Variants in SOX5 observed in about 807,000 individuals in gnomAD.
SOX5 encodes the protein SRY-box transcription factor 5, also known as transcription factor SOX-5.
A neutral mutation model predicts 92.0 loss-of-function variants in SOX5; 9 were observed. The ratio of observed to expected loss-of-function variants is 0.10; its 90% CI spans 0.06 to 0.17. SOX5 has a LOEUF of 0.17. Among genes scored for constraint, SOX5 ranks in the 10% least tolerant of loss-of-function variants. The pLI, the probability that SOX5 is intolerant of heterozygous loss-of-function variation, is 1.00. For synonymous variants in SOX5, 344 were observed against 336.3 expected (o/e 1.02, Z -0.25); for missense variants, 642 against 944.5 (o/e 0.68, Z 4.20).
chr12:23,813,869 A>G (rs1368333199), intron 3 of SOX5, among the ~76,000 whole-genome samples: 2 of 152,168 alleles, frequency 1.3e-5, no homozygotes, highest in African/African-American at 4.8e-5. Flanking sequence ...ATACATTTTT[A>G]AGAGTAAAAT....
chr12:24,435,343 C>T (rs1244635599), intron 1 of SOX5, among the ~76,000 whole-genome samples: 4 of 152,226 alleles, frequency 2.6e-5, no homozygotes, highest in Non-Finnish European at 4.4e-5. Flanking sequence ...CTCTACACTT[C>T]TGCACTTCCT....
At chr12:24,504,046 A>G (rs1416031714) in intron 1 of SOX5, among the ~76,000 whole-genome samples, 1 of 152,272 alleles carries the variant, frequency 6.6e-6, no homozygotes, top group Non-Finnish European at 1.5e-5. Flanking sequence ...TAAGAAGGGT[A>G]CATAGAGAAA....
intron 11 of SOX5, among the ~76,000 whole-genome samples, chr12:23,558,782 T>C: frequency 6.6e-6 from 1 of 152,292 alleles, no homozygotes; most frequent in East Asian, 1.9e-4. Context: ...TTGTATTTTT[T>C]AGTAGAGACG....
intron 4 of SOX5, among the ~76,000 whole-genome samples, chr12:24,171,178 TAGTTTTTTC>T (rs1954065544): frequency 6.8e-6 from 1 of 147,546 alleles, no homozygotes; most frequent in African/African-American, 2.5e-5. Context: ...ATAGTGATTT[TAGTTTTTTC>T]TTTTATTTCA....
At chr12:24,554,994 GA>G (rs1349964358) in intron 1 of SOX5, among the ~76,000 whole-genome samples, 1 of 152,180 alleles carries the variant, frequency 6.6e-6, no homozygotes, top group Non-Finnish European at 1.5e-5. Context: ...TCTATTAAGG[GA>G]CAACTCCCTG....
At chr12:24,426,251 AG>A (rs1966749573) in intron 1 of SOX5, among the ~76,000 whole-genome samples, 1 of 135,018 alleles carries the variant, frequency 7.4e-6, no homozygotes, top group African/African-American at 2.8e-5. Context: ...TCTCACTCAT[AG>A]GTGGGAATTG....
At chr12:24,524,796 C>T (rs1407795175) in intron 1 of SOX5, among the ~76,000 whole-genome samples, 6 of 152,078 alleles carry the variant, frequency 3.9e-5, no homozygotes, top group South Asian at 2.1e-4. Context: ...GCAGAAGGAT[C>T]GCTGGAGGCC....
intron 4 of SOX5, among the ~76,000 whole-genome samples, chr12:23,751,800 C>T (rs1007196396): frequency 6.6e-6 from 1 of 151,860 alleles, no homozygotes; most frequent in African/African-American, 2.4e-5. Flanking sequence ...GCAAAAGAAC[C>T]AGTTGTTGAA....
chr12:24,535,543 T>C lies in SOX5; in HGVS notation c.-251+26786A>G, dbSNP rs544425932. 2.5e-3 allele frequency among the ~76,000 whole-genome samples: 384 copies of C among 152,208 alleles called. 2 individuals are homozygous for C. The highest frequency in any genetic ancestry group is 7.6e-3 in the African/African-American group (315 of 41,550). ...AGATTAACTTTGCTTGCTTTTCCAATTGCAGTAGCCCAGCCAAGGATTTTG... is the reference window on the plus strand; with the variant it reads ...AGATTAACTTTGCTTGCTTTTCCAACTGCAGTAGCCCAGCCAAGGATTTTG... On this transcript the variant is annotated intron_variant, in intron 1 of 4. Transcript: ENST00000446891.
At chr12:24,259,440 CTG>C (rs1357230531) in intron 3 of SOX5, among the ~76,000 whole-genome samples, 13 of 152,172 alleles carry the variant, frequency 8.5e-5, no homozygotes, top group African/African-American at 3.1e-4. Context: ...CATACGTAGA[CTG>C]TGCTATGTAT....
intron 1 of SOX5, among the ~76,000 whole-genome samples, chr12:23,903,928 G>A (rs1010905201): frequency 1.2e-4 from 18 of 152,086 alleles, no homozygotes; most frequent in Non-Finnish European, 2.5e-4. Flanking sequence ...TAATTCAAAT[G>A]AATGAAACAA....
At chr12:24,077,593 C>A (rs1942783663) in intron 4 of SOX5, among the ~76,000 whole-genome samples, 1 of 151,600 alleles carries the variant, frequency 6.6e-6, no homozygotes, top group Non-Finnish European at 1.5e-5. Context: ...TTTCAGTCTT[C>A]ATCATACACA....
intron 1 of SOX5, among the ~76,000 whole-genome samples, chr12:24,447,451 A>G (rs1432686808): frequency 6.6e-6 from 1 of 152,226 alleles, no homozygotes; most frequent in Admixed American, 6.5e-5. Context: ...GTCACAATCC[A>G]GAGGAAGCTA....
At chr12:23,689,968 A>G (rs568670578) in intron 6 of SOX5, among the ~76,000 whole-genome samples, 19 of 152,316 alleles carry the variant, frequency 1.2e-4, no homozygotes, top group African/African-American at 3.8e-4. Context: ...TTTATTTCAC[A>G]ATGACTTTAC....
At chr12:24,442,479 A>G (rs922296877) in intron 1 of SOX5, among the ~76,000 whole-genome samples, 5 of 152,346 alleles carry the variant, frequency 3.3e-5, no homozygotes, top group African/African-American at 1.2e-4. Context: ...AGAAAAATAA[A>G]GCAAAGAAGA....
chr12:24,442,582 G>A (rs895812245), intron 1 of SOX5, among the ~76,000 whole-genome samples: 7 of 152,180 alleles, frequency 4.6e-5, no homozygotes, highest in Admixed American at 6.5e-5. Flanking sequence ...AAGAGGAGAC[G>A]TTAATGAGAA....
intron 4 of SOX5, among the ~76,000 whole-genome samples, chr12:24,112,002 C>T (rs1947404889): frequency 6.6e-6 from 1 of 152,052 alleles, no homozygotes; most frequent in South Asian, 2.1e-4. Flanking sequence ...TTTCTATGAA[C>T]AAAGTAACCA....
chr12:23,990,688 A>G (rs535651352), intron 4 of SOX5, among the ~76,000 whole-genome samples: 1 of 152,020 alleles, frequency 6.6e-6, no homozygotes, highest in Admixed American at 6.6e-5. Context: ...CCATGTATTC[A>G]TGTGTATTAT....
At chr12:23,999,734 GA>G (rs947497012) in intron 4 of SOX5, among the ~76,000 whole-genome samples, 4 of 151,694 alleles carry the variant, frequency 2.6e-5, no homozygotes, top group African/African-American at 4.8e-5. Context: ...AAGTGCTACA[GA>G]AAAAAACTCA....
Sources: allele counts gnomAD v4.1 joint callset (sites outside exome capture counted in the v4.1 genomes callset), GRCh38; gene constraint gnomAD v4.1.1; transcripts MANE v1.5; gene names NCBI Gene and HGNC (gene_info 2026-07-23, HGNC 2026-07-21).